C6orf52: variants seen among roughly 807,000 people sequenced by gnomAD.
C6orf52 encodes the protein putative uncharacterized protein C6orf52.
In C6orf52, 16 loss-of-function variants were observed where a neutral mutation model predicts 16.6. That is an observed-to-expected ratio of 0.96 (90% CI 0.65 to 1.46). The LOEUF is 1.46. C6orf52 is among the 40% of genes most tolerant of loss of function. The probability of loss-of-function intolerance (pLI) is 0.00; values close to 1 mark genes in which losing one functional copy is unlikely to be tolerated. For missense variants in C6orf52, 166 were observed against 182.3 expected (o/e 0.91, Z 0.52); for synonymous variants, 53 against 61.4 (o/e 0.86, Z 0.64).
chr6:10,687,150 A>G lies in C6orf52; in HGVS notation c.86T>C (p.Ile29Thr). The change falls in exon 3 of 5, where the codon ATT becomes ACT. Residue 29 changes from isoleucine to threonine, a missense_variant. By Grantham distance (89) the Ile-to-Thr change is moderately conservative. Coordinates refer to ENST00000259983, the MANE Select transcript of C6orf52 (RefSeq NM_001145020.3). ...YCYWQSLPSA[I>T]RVKQEFQPSQ... ...GGGCTGGAACTCCTGCTTCACTCTA[A>G]TAGCAGAGGGGAGACTACAGGAATG... 1.3e-6 allele frequency: 2 copies of G among 1,550,036 alleles called. No individual in the cohort carries two copies. Among genetic ancestry groups the G allele is most frequent in the Non-Finnish European group, 1.7e-6 (2 of 1,145,816 alleles).
chr6:10,678,956 G>A (rs1346458161), intron 4 of C6orf52, among the ~76,000 whole-genome samples: 1 of 151,980 alleles, frequency 6.6e-6, no homozygotes, highest in African/African-American at 2.4e-5. Context: ...AGCCAGGCAT[G>A]GTGGTGCTTG....
chr6:10,672,834 A>G (rs1054420079), intron 4 of C6orf52, among the ~76,000 whole-genome samples: 1 of 152,164 alleles, frequency 6.6e-6, no homozygotes, highest in African/African-American at 2.4e-5. Flanking sequence ...GAATGGTAAG[A>G]AAATAAATCT....
intron 1 of C6orf52, among the ~76,000 whole-genome samples, chr6:10,693,051 C>G (rs1034646855): frequency 1.3e-5 from 2 of 152,202 alleles, no homozygotes; most frequent in African/African-American, 4.8e-5. Context: ...TTACTTCAAG[C>G]CTCCTTGCTT....
intron 1 of C6orf52, among the ~76,000 whole-genome samples, chr6:10,689,102 C>G (rs1236903846): frequency 2.6e-5 from 4 of 152,218 alleles, no homozygotes; most frequent in Non-Finnish European, 5.9e-5. Context: ...CTCAGCCTCC[C>G]CAGTAGCTGG....
chr6:10,680,708 A>C (rs1263622404), intron 4 of C6orf52, among the ~76,000 whole-genome samples: 1 of 152,194 alleles, frequency 6.6e-6, no homozygotes, highest in Non-Finnish European at 1.5e-5. Context: ...CCTGAGCAAC[A>C]AAGTGAGACT....
chr6:10,693,871 G>C (rs1769583877), intron 1 of C6orf52, among the ~76,000 whole-genome samples: 1 of 152,172 alleles, frequency 6.6e-6, no homozygotes, highest in Non-Finnish European at 1.5e-5. Flanking sequence ...TGAGGCCACA[G>C]GCGGGCGTCG....
intron 4 of C6orf52, chr6:10,674,800 T>C (rs1468288812): frequency 1.3e-5 from 2 of 150,772 alleles, no homozygotes; most frequent in Non-Finnish European, 2.9e-5. Flanking sequence ...GTCACCATGG[T>C]ATACAATACA....
chr6:10,694,260 C>CAAAAAAAA (rs57435593), intron 1 of C6orf52, among the ~76,000 whole-genome samples: 48 of 62,456 alleles, frequency 7.7e-4, no homozygotes, highest in African/African-American at 2.2e-3. Context: ...AACTCCGTCT[C>CAAAAAAAA]AAAAAAAAAA....
In C6orf52 at chr6:10,679,490, C is replaced by T. The variant is rs945540334; in HGVS notation, c.316+3697G>A. Reference sequence around the variant, plus strand: ...ATAGCTCATTGCTAAACAGTGCTAACAAGTAAGCACATACCGTTTGCGAAA... The same window carrying T: ...ATAGCTCATTGCTAAACAGTGCTAATAAGTAAGCACATACCGTTTGCGAAA... On this transcript the variant is annotated intron_variant, in intron 4 of 4. Coordinates refer to ENST00000259983, the MANE Select transcript of C6orf52 (RefSeq NM_001145020.3). Among the ~76,000 whole-genome samples the T allele has an allele frequency of 6.2e-5, 9 of 144,130 alleles. 1 individual carries two copies. The highest frequency in any genetic ancestry group is 6.2e-4 in the Admixed American group (9 of 14,586). The allele number at this position is 144,130 out of a possible 152,430, so 94.6% of individuals were successfully genotyped here. A position where few individuals can be genotyped will look rare whatever the true frequency, so the allele number is the denominator to read the frequency against.
At chr6:10,683,373 A>G (rs1768573653) in intron 3 of C6orf52, 141 bp from the exon 4 acceptor site, 1 of 546,976 alleles carries the variant, frequency 1.8e-6, no homozygotes, top group Non-Finnish European at 3.2e-6. Context: ...CTTTAAATCA[A>G]CTTTTGAATT....
At chr6:10,686,495 A>G (rs891356073) in intron 3 of C6orf52, among the ~76,000 whole-genome samples, 17 of 152,194 alleles carry the variant, frequency 1.1e-4, no homozygotes, top group Non-Finnish European at 2.1e-4. Flanking sequence ...CACTTTAGTA[A>G]TTCAAAGTAT....
chr6:10,684,788 G>T, intron 3 of C6orf52: 5 of 1,011,854 alleles, frequency 4.9e-6, no homozygotes, highest in Non-Finnish European at 6.8e-6. Context: ...AAGGACACAC[G>T]TTATTGGAGA....
At chr6:10,673,030 A>ATT (rs1285419926) in intron 4 of C6orf52, among the ~76,000 whole-genome samples, 1 of 152,218 alleles carries the variant, frequency 6.6e-6, no homozygotes, top group Non-Finnish European at 1.5e-5. Flanking sequence ...TCTGATTCTT[A>ATT]TTCTTTAGAG....
intron 4 of C6orf52, among the ~76,000 whole-genome samples, chr6:10,678,172 T>G (rs1581539129): frequency 1.7e-5 from 2 of 118,248 alleles, no homozygotes; most frequent in African/African-American, 3.4e-5. Flanking sequence ...GGCAACAGAG[T>G]GAGACTGTCT....
chr6:10,691,551 T>C (rs995915524), intron 1 of C6orf52, among the ~76,000 whole-genome samples: 2 of 152,230 alleles, frequency 1.3e-5, no homozygotes, highest in Middle Eastern at 6.8e-3. Flanking sequence ...GCCCAGAGTG[T>C]GGTGCCGAGC....
chr6:10,676,825 C>T (rs1031870640), intron 4 of C6orf52, among the ~76,000 whole-genome samples: 1 of 152,188 alleles, frequency 6.6e-6, no homozygotes, highest in Non-Finnish European at 1.5e-5. Flanking sequence ...ACCTATTAAG[C>T]CTTGCACTCC....
At chr6:10,680,352 C>T (rs1340698029) in intron 4 of C6orf52, among the ~76,000 whole-genome samples, 4 of 152,166 alleles carry the variant, frequency 2.6e-5, no homozygotes, top group Admixed American at 6.5e-5. Context: ...ACTATCCTTG[C>T]GTCCCTGGGA....
At position 10,693,246 on chromosome 6, in the gene C6orf52, T is replaced by A. The variant is rs113225638; in HGVS notation, c.-12+1248A>T. On this transcript the variant is annotated intron_variant, in intron 1 of 4. Transcript: ENST00000259983. Reference sequence around the variant, plus strand: ...AACCCAAAGGCGTAAGGGACAAATATGTCTGCTTTTCCTTTGTTCAGGAGT... The same window carrying A: ...AACCCAAAGGCGTAAGGGACAAATAAGTCTGCTTTTCCTTTGTTCAGGAGT... 5.8e-3 allele frequency among the ~76,000 whole-genome samples: 876 copies of A among 152,338 alleles called. 8 individuals are homozygous for A. Among genetic ancestry groups the A allele is most frequent in the African/African-American group, 0.02 (831 of 41,568 alleles).
intron 1 of C6orf52, among the ~76,000 whole-genome samples, chr6:10,691,921 T>C (rs913843651): frequency 1.3e-5 from 2 of 152,188 alleles, no homozygotes; most frequent in African/African-American, 4.8e-5. Flanking sequence ...AACTATATTC[T>C]AAAATTCCTG....
Sources: gnomAD v4.1 joint callset for allele counts (sites outside exome capture counted in the v4.1 genomes callset) on GRCh38, gnomAD v4.1.1 for gene constraint, MANE v1.5 for transcripts, NCBI Gene and HGNC (gene_info 2026-07-23, HGNC 2026-07-21) for gene names.